Variants in PRR14L observed in about 807,000 individuals in gnomAD.
PRR14L encodes the protein proline rich 14 like, also known as protein PRR14L.
In PRR14L, 80 loss-of-function variants were observed where a neutral mutation model predicts 155.0. The ratio of observed to expected loss-of-function variants is 0.52; its 90% CI spans 0.43 to 0.62. The LOEUF is 0.62. Ranked by LOEUF, PRR14L falls within the 20% of genes least tolerant of loss-of-function variation. The probability of loss-of-function intolerance (pLI) is 0.00; values close to 1 mark genes in which losing one functional copy is unlikely to be tolerated. For synonymous variants in PRR14L, 883 were observed against 916.0 expected, an observed-to-expected ratio of 0.96 and a Z score of 0.65; for missense variants, 2,469 against 2,548.0, an observed-to-expected ratio of 0.97 and a Z score of 0.67.
chr22:31,717,065 C>G lies in PRR14L; in HGVS notation c.774G>C (p.Val258=). The G allele has an allele frequency of 6.4e-7, 1 of 1,551,848 alleles. No individual in the cohort carries two copies. Among genetic ancestry groups the G allele is most frequent in the South Asian group, 1.2e-5 (1 of 84,052 alleles). Residue 258 remains valine (V), a synonymous_variant, in exon 4 of 9, where the codon GTG becomes GTC. Coordinates refer to ENST00000327423, the MANE Select transcript of PRR14L (RefSeq NM_173566.3). The stretch of plus-strand genomic sequence containing the variant: ...GAGTTGCTTCTGTTAATACAGGGTC[C>G]ACAAAGGTTAAAGGTTCTGGGGTAA... ...TLVTPEPLTF[V]DPVLTEATPK...
rs192626872 is a variant in PRR14L, at chr22:31,739,582, C to T, written c.-51-671G>A. ...TTCCACAGTCATCACTCATTTGATT[C>T]TCTTAACAACCCTTTGAGCTAAGTA... On this transcript the variant is annotated intron_variant, in intron 1 of 8. Coordinates refer to ENST00000327423, the MANE Select transcript of PRR14L (RefSeq NM_173566.3). Among the ~76,000 whole-genome samples the T allele has an allele frequency of 1.9e-4, 29 of 152,308 alleles. No homozygotes were observed. The East Asian group carries it at 5.6e-3, about 29-fold the overall frequency.
At chr22:31,748,423 A>T (rs933188677) in intron 1 of PRR14L, among the ~76,000 whole-genome samples, 1 of 127,942 alleles carries the variant, frequency 7.8e-6, no homozygotes, top group Non-Finnish European at 1.6e-5. Flanking sequence ...CAGAAAAAGG[A>T]TCCCTGTCTC....
At chr22:31,736,878 A>G (rs994164180) in intron 2 of PRR14L, among the ~76,000 whole-genome samples, 1 of 151,796 alleles carries the variant, frequency 6.6e-6, no homozygotes, top group Non-Finnish European at 1.5e-5. Context: ...CTCTACTAAA[A>G]ATACAATAAA....
At chr22:31,739,118 C>T (rs2147876432) in intron 1 of PRR14L, among the ~76,000 whole-genome samples, 1 of 152,294 alleles carries the variant, frequency 6.6e-6, no homozygotes, top group East Asian at 1.9e-4. Context: ...AGCTCTCAAT[C>T]AAATCTCAAT....
intron 4 of PRR14L, among the ~76,000 whole-genome samples, chr22:31,711,368 G>C (rs573341496): frequency 2.4e-4 from 37 of 152,280 alleles, no homozygotes; most frequent in African/African-American, 8.7e-4. Context: ...CTACTCGGGA[G>C]GCTAAGGCAG....
intron 8 of PRR14L, among the ~76,000 whole-genome samples, chr22:31,686,159 T>C (rs570160841): frequency 0.014 from 2,123 of 150,906 alleles, 54 homozygotes; most frequent in African/African-American, 0.05. Flanking sequence ...AGTGCAGTGG[T>C]GTGATCTCCG....
At chr22:31,742,073 T>C (rs889533489) in intron 1 of PRR14L, among the ~76,000 whole-genome samples, 2 of 152,176 alleles carry the variant, frequency 1.3e-5, no homozygotes, top group Non-Finnish European at 2.9e-5. Context: ...AAGTGCTCAA[T>C]TTTAATTTGG....
Position 31,738,600 on chromosome 22 carries a change from A to T in PRR14L, c.261T>A (p.Ser87Arg). 6.4e-7 allele frequency: 1 copy of T among 1,551,922 alleles called. No individual in the cohort carries two copies. The highest frequency in any genetic ancestry group is 1.2e-5 in the South Asian group (1 of 84,058). ...CCACTAGCCCACATCGCCCAGGCTC[A>T]CTCCCATGATCCAAGGTCTCATAGG... ...EETYETLDHG[S>R]EPGRCGLVDS... Residue 87 changes from serine (S) to arginine (R), a missense_variant, in exon 2 of 9, where the codon AGT becomes AGA. Transcript: ENST00000327423.
chr22:31,705,442 C>A (rs560373672), intron 4 of PRR14L, among the ~76,000 whole-genome samples: 1 of 151,454 alleles, frequency 6.6e-6, no homozygotes. Context: ...GGTGTGATCT[C>A]GGCTCACTGC....
intron 4 of PRR14L, among the ~76,000 whole-genome samples, chr22:31,706,428 C>CTTTTTT (rs771902267): frequency 1.6e-4 from 23 of 142,202 alleles, no homozygotes; most frequent in African/African-American, 5.5e-4. Context: ...TAAACTCTTC[C>CTTTTTT]TTTTTCTTTT....
chr22:31,687,848 G>A (rs1369503411), intron 8 of PRR14L, among the ~76,000 whole-genome samples: 1 of 151,012 alleles, frequency 6.6e-6, no homozygotes, highest in African/African-American at 2.4e-5. Context: ...TCGAGACCAC[G>A]GTGAAACCCT....
intron 7 of PRR14L, among the ~76,000 whole-genome samples, chr22:31,694,675 C>A (rs2074526701): frequency 6.6e-6 from 1 of 151,272 alleles, no homozygotes; most frequent in Admixed American, 6.6e-5. Flanking sequence ...TGGCGTGAAC[C>A]CGGGAGGCAG....
In PRR14L at chr22:31,712,425, C is replaced by G. The variant is rs1282094894; in HGVS notation, c.5414G>C (p.Gly1805Ala). ...TGCTCTGGTCTGGACTATGGCAGTGCCTCCATAGTCTTGGAGAGGAGCTGG... is the reference window on the plus strand; with the variant it reads ...TGCTCTGGTCTGGACTATGGCAGTGGCTCCATAGTCTTGGAGAGGAGCTGG... The part of the protein sequence containing the change: ...QPPAPLQDYG[G>A]TAIVQTRADC... The change falls in exon 4 of 9, where the codon GGC (glycine) becomes GCC (alanine). Residue 1805 changes from glycine (G) to alanine (A), a missense_variant. This residue lies in a region of PRR14L where 2,363 missense variants were observed against 2,371.6 expected (regional missense o/e 1.00). Coordinates refer to ENST00000327423, the MANE Select transcript of PRR14L (RefSeq NM_173566.3). The G allele has an allele frequency of 6.4e-7, 1 of 1,570,052 alleles. No individual in the cohort carries two copies. The highest frequency in any genetic ancestry group is 1.4e-5 in the African/African-American group (1 of 73,786).
chr22:31,713,686 G>C lies in PRR14L; in HGVS notation c.4153C>G (p.His1385Asp), dbSNP rs560126282. Reference sequence around the variant, plus strand: ...TCAGGGCTCTGCTGTTTTTCAGCATGATTAAGTATCCCCCGGCATTTAAAA... The same window carrying C: ...TCAGGGCTCTGCTGTTTTTCAGCATCATTAAGTATCCCCCGGCATTTAAAA... ...THFKCRGILNHAEKQQSPEVL... is the reference protein window; with the variant it reads ...THFKCRGILNDAEKQQSPEVL... Residue 1385 changes from histidine (H) to aspartate (D), a missense_variant, in exon 4 of 9, where the codon CAT becomes GAT. His to Asp is a moderately conservative substitution (Grantham distance 81, BLOSUM62 -1). Coordinates refer to ENST00000327423, the MANE Select transcript of PRR14L (RefSeq NM_173566.3). 1.9e-6 allele frequency: 3 copies of C among 1,552,052 alleles called. No individual in the cohort carries two copies. In the African/African-American group the frequency reaches 4.1e-5, roughly 21 times the overall value.
intron 7 of PRR14L, among the ~76,000 whole-genome samples, chr22:31,688,895 T>C (rs572337628): frequency 2.0e-4 from 27 of 136,200 alleles, no homozygotes; most frequent in Non-Finnish European, 3.4e-4. Flanking sequence ...TTAAAAAATA[T>C]ATACATACAC....
chr22:31,685,878 G>C lies in PRR14L; in HGVS notation c.6180-75C>G, dbSNP rs1010123088. 14 of 1,392,472 alleles carry C rather than the reference G, an allele frequency of 1.0e-5. No homozygotes were observed. The African/African-American group carries it at 1.9e-4, about 19-fold the overall frequency. The allele number at this position is 1,392,472 out of a possible 1,614,324, so 86.3% of individuals were successfully genotyped here. On this transcript the variant is annotated intron_variant, in intron 8 of 8. Coordinates refer to ENST00000327423, the MANE Select transcript of PRR14L (RefSeq NM_173566.3). Reference sequence around the variant, plus strand: ...ATCCTGTCAACAGGGTCAGGATGTTGACGCTGGGTCAACAACCCTTCTAGT... The same window carrying C: ...ATCCTGTCAACAGGGTCAGGATGTTCACGCTGGGTCAACAACCCTTCTAGT...
intron 6 of PRR14L, among the ~76,000 whole-genome samples, chr22:31,702,651 G>A (rs1238120828): frequency 6.6e-6 from 1 of 151,960 alleles, no homozygotes; most frequent in Non-Finnish European, 1.5e-5. Flanking sequence ...GAGTACCTGG[G>A]ATTACAGGAA....
chr22:31,709,392 C>T (rs2074608659), intron 4 of PRR14L, among the ~76,000 whole-genome samples: 1 of 151,314 alleles, frequency 6.6e-6, no homozygotes, highest in Non-Finnish European at 1.5e-5. Context: ...GCTGGAATTA[C>T]AGGCATAAGC....
rs1481823903 is a variant in PRR14L at position 31,683,732 on chromosome 22, C to G, written c.*1795G>C. 1 of 152,302 alleles carries G rather than the reference C, an allele frequency of 6.6e-6. No homozygotes were observed. Among genetic ancestry groups the G allele is most frequent in the Non-Finnish European group, 1.5e-5 (1 of 68,096 alleles). 9.4% of individuals were successfully genotyped at this position (152,302 alleles called of 1,614,324 possible). A position where few individuals can be genotyped will look rare whatever the true frequency, so the allele number is the denominator to read the frequency against. On this transcript the variant is annotated 3_prime_UTR_variant, in exon 9 of 9. Transcript: ENST00000327423. ...AGCCGTGGCACACTTTTCCCTCTGG[C>G]TCATGTCAGTTTTTCTGCTCCAGTG...
Sources: gnomAD v4.1 joint callset for allele counts (sites outside exome capture counted in the v4.1 genomes callset) on GRCh38, gnomAD v4.1.1 for gene constraint, gnomAD v4.1.1 regional missense constraint, MANE v1.5 for transcripts, NCBI Gene and HGNC (gene_info 2026-07-23, HGNC 2026-07-21) for gene names.